IFT57: variants seen among roughly 807,000 people sequenced by gnomAD.
IFT57 encodes intraflagellar transport protein 57 homolog.
In IFT57, 59 loss-of-function variants were observed where a neutral mutation model predicts 56.8. The ratio of observed to expected loss-of-function variants is 1.04; its 90% CI spans 0.84 to 1.29. IFT57 has a LOEUF of 1.29. Ranked by LOEUF, IFT57 falls within the 50% of genes most tolerant of loss-of-function variation. The pLI, the probability that IFT57 is intolerant of heterozygous loss-of-function variation, is 0.00. For synonymous variants in IFT57, 209 were observed against 186.1 expected, an observed-to-expected ratio of 1.12 and a Z score of -1.00; for missense variants, 470 against 522.1, an observed-to-expected ratio of 0.90 and a Z score of 0.97.
At position 108,162,510 on chromosome 3, in the gene IFT57, T is replaced by C; in HGVS notation, c.1257A>G (p.Thr419=). Residue 419 remains threonine, a synonymous_variant, in exon 11 of 11, where the codon ACA becomes ACG. Transcript: ENST00000264538. ...AGCCTGTTGCTGGTTCTGGAATAAC[T>C]GTGGCATGCATGTTCCTAGTCATGT... ...KSNMTRNMHA[T]VIPEPATGFY 1 of 1,608,888 alleles carries C rather than the reference T, an allele frequency of 6.2e-7. No individual in the cohort carries two copies. Among genetic ancestry groups the C allele is most frequent in the Admixed American group, 1.7e-5 (1 of 59,614 alleles).
intron 9 of IFT57, among the ~76,000 whole-genome samples, chr3:108,164,025 C>T (rs191774018): frequency 6.6e-6 from 1 of 152,096 alleles, no homozygotes; most frequent in African/African-American, 2.4e-5. Flanking sequence ...ACTCAAACCT[C>T]GCAATTATCT....
intron 3 of IFT57, among the ~76,000 whole-genome samples, chr3:108,218,030 C>T (rs1484577812): frequency 1.3e-5 from 2 of 151,432 alleles, no homozygotes; most frequent in African/African-American, 4.8e-5. Flanking sequence ...AGAAATAAAG[C>T]ACTGTCAGGT....
chr3:108,170,084 G>A (rs1048853620), intron 6 of IFT57, among the ~76,000 whole-genome samples: 13 of 151,854 alleles, frequency 8.6e-5, no homozygotes, highest in African/African-American at 2.9e-4. Context: ...TTTGAAAACC[G>A]GAAAAAGACA....
chr3:108,187,641 A>C (rs868746365), intron 6 of IFT57, among the ~76,000 whole-genome samples: 1 of 149,034 alleles, frequency 6.7e-6, no homozygotes, highest in African/African-American at 2.5e-5. Flanking sequence ...AGGGTGCCTG[A>C]TTAAAAAAAA....
intron 6 of IFT57, among the ~76,000 whole-genome samples, chr3:108,173,340 A>C (rs1380769549): frequency 2.0e-5 from 3 of 151,780 alleles, no homozygotes; most frequent in Admixed American, 6.6e-5. Flanking sequence ...AGGAGCACAC[A>C]GCTAACTTCA....
At position 108,167,792 on chromosome 3, in the gene IFT57, C is replaced by A. The variant is rs1163150468; in HGVS notation, c.849+1G>T. On this transcript the variant is annotated splice_donor_variant, in intron 7 of 10. Transcript: ENST00000264538. LOFTEE classifies it high-confidence loss of function. ...TGATTCACGTAAAGTAATTCATATA[C>A]CTTGGTCTCCTTTAGAGCAGATTCA... The A allele has an allele frequency of 1.9e-6, 3 of 1,555,654 alleles. No individual in the cohort carries two copies. The highest frequency in any genetic ancestry group is 2.6e-6 in the Non-Finnish European group (3 of 1,148,456).
intron 5 of IFT57, among the ~76,000 whole-genome samples, chr3:108,196,694 A>G (rs1553741641): frequency 6.6e-6 from 1 of 152,206 alleles, no homozygotes; most frequent in Non-Finnish European, 1.5e-5. Flanking sequence ...CTCGTAGGCC[A>G]TAATTAATAT....
chr3:108,216,740 G>A (rs534271039), intron 3 of IFT57, among the ~76,000 whole-genome samples: 65 of 152,122 alleles, frequency 4.3e-4, no homozygotes, highest in Non-Finnish European at 7.6e-4. Flanking sequence ...ATCCATCAAA[G>A]GTTGAATAGA....
intron 3 of IFT57, among the ~76,000 whole-genome samples, chr3:108,214,586 A>G (rs58424633): frequency 0.091 from 13,907 of 152,168 alleles, 697 homozygotes; most frequent in Middle Eastern, 0.12. Flanking sequence ...GAAGGAGAGT[A>G]ACTCCATCTC....
intron 5 of IFT57, among the ~76,000 whole-genome samples, chr3:108,196,670 A>G (rs917890005): frequency 3.3e-5 from 5 of 152,200 alleles, no homozygotes; most frequent in African/African-American, 9.7e-5. Context: ...TAGGAGCTCA[A>G]AAATTTTCAC....
chr3:108,167,136 C>A (rs2080067710), intron 7 of IFT57, 151 bp from the exon 8 acceptor site: 3 of 617,800 alleles, frequency 4.9e-6, no homozygotes, highest in Middle Eastern at 4.4e-4. Context: ...CACAAAATAT[C>A]TGTGATGAGA....
chr3:108,204,218 C>T (rs1300777959), intron 5 of IFT57, among the ~76,000 whole-genome samples: 2 of 152,286 alleles, frequency 1.3e-5, no homozygotes, highest in Admixed American at 6.5e-5. Flanking sequence ...TTTTCTGCCT[C>T]ATTAGTACTC....
rs2080357426 is a variant in IFT57 at position 108,213,968 on chromosome 3, G to T, written c.548C>A (p.Ala183Glu). ...ATCCACTTTATTTAATGTTAATTCT[G>T]CATCATCTTCTGCAACGCTTTCTTC... ...LEEESVAEDDAELTLNKVDEE... is the reference protein window; with the variant it reads ...LEEESVAEDDEELTLNKVDEE... Residue 183 changes from alanine (A) to glutamate (E), a missense_variant, in exon 4 of 11, where the codon GCA becomes GAA. Transcript: ENST00000264538. The T allele has an allele frequency of 1.9e-6, 3 of 1,609,642 alleles. No homozygotes were observed. Among genetic ancestry groups the T allele is most frequent in the Non-Finnish European group, 8.5e-7 (1 of 1,176,328 alleles).
At chr3:108,167,766 T>C (rs772095105) in intron 7 of IFT57, 27 bp downstream of exon 7, 2 of 1,430,680 alleles carry the variant, frequency 1.4e-6, no homozygotes, top group South Asian at 1.3e-5. Context: ...TAAATGTACA[T>C]TGATTCACGT....
At chr3:108,187,643 T>TA (rs201982368) in intron 6 of IFT57, among the ~76,000 whole-genome samples, 13,588 of 144,762 alleles carry the variant, frequency 0.094, 671 homozygotes, top group Middle Eastern at 0.12. Flanking sequence ...GGTGCCTGAT[T>TA]AAAAAAAAAA....
At chr3:108,182,125 T>A (rs1007421751) in intron 6 of IFT57, among the ~76,000 whole-genome samples, 1 of 152,094 alleles carries the variant, frequency 6.6e-6, no homozygotes, top group African/African-American at 2.4e-5. Flanking sequence ...TCTTCATTCC[T>A]AAATTATAAC....
At position 108,163,651 on chromosome 3, in the gene IFT57, G is replaced by A. The variant is rs145712001; in HGVS notation, c.1111+12C>T. The A allele has an allele frequency of 4.7e-4, 752 of 1,597,636 alleles. 3 individuals carry two copies. The African/African-American group carries it at 9.2e-3, about 19-fold the overall frequency. On this transcript the variant is annotated intron_variant, in intron 10 of 10. Coordinates refer to ENST00000264538, the MANE Select transcript of IFT57 (RefSeq NM_018010.4). Reference sequence around the variant, plus strand: ...TTGCTCAGTTTTTCCCCTAAAATGAGCATGTACTTACCACCATCAGTCATG... The same window carrying A: ...TTGCTCAGTTTTTCCCCTAAAATGAACATGTACTTACCACCATCAGTCATG...
intron 5 of IFT57, among the ~76,000 whole-genome samples, chr3:108,201,891 G>C (rs1376534226): frequency 6.6e-6 from 1 of 152,104 alleles, no homozygotes; most frequent in African/African-American, 2.4e-5. Flanking sequence ...TTTACTCTAA[G>C]ACCATATTTT....
chr3:108,181,240 C>T (rs1418038907), intron 6 of IFT57, among the ~76,000 whole-genome samples: 1 of 150,884 alleles, frequency 6.6e-6, no homozygotes, highest in Non-Finnish European at 1.5e-5. Flanking sequence ...ACAGAAGCAA[C>T]TAAAAATCTT....
Sources: gnomAD v4.1 joint callset for allele counts (sites outside exome capture counted in the v4.1 genomes callset) on GRCh38, gnomAD v4.1.1 for gene constraint, MANE v1.5 for transcripts, NCBI Gene and HGNC (gene_info 2026-07-23, HGNC 2026-07-21) for gene names.